AR: variants seen among roughly 807,000 people sequenced by gnomAD.
The protein encoded by AR is dihydrotestosterone receptor.
A neutral mutation model predicts 53.9 loss-of-function variants in AR; 8 were observed. That is an observed-to-expected ratio of 0.15 (90% CI 0.09 to 0.27). The LOEUF is 0.27. Ranked by LOEUF, AR falls within the 10% of genes least tolerant of loss-of-function variation. The pLI is 1.00. For synonymous variants in AR, 359 were observed against 316.4 expected (o/e 1.13, Z -1.43); for missense variants, 639 against 742.5 (o/e 0.86, Z 1.62).
intron 5 of AR, among the ~76,000 whole-genome samples, chrX:67,720,855 A>T (rs761961025): frequency 9.3e-6 from 1 of 107,747 alleles, no homozygotes; most frequent in Non-Finnish European, 1.9e-5. Context: ...CTTTCTGCAC[A>T]CGCTGCACAA....
At chrX:67,646,700 G>A (rs1185130679) in intron 2 of AR, among the ~76,000 whole-genome samples, 1 of 110,584 alleles carries the variant, frequency 9.0e-6, no homozygotes, top group South Asian at 3.9e-4. Context: ...TTTCCCTTTT[G>A]GACCTCAGTT....
At chrX:67,652,754 T>G (rs1000893371) in intron 2 of AR, among the ~76,000 whole-genome samples, 11 of 111,832 alleles carry the variant, frequency 9.8e-5, no homozygotes, top group Admixed American at 3.8e-4. Flanking sequence ...TCTCTGCCTT[T>G]GCCATTGTGT....
chrX:67,655,307 T>C (rs1926534477), intron 2 of AR, among the ~76,000 whole-genome samples: 2 of 111,094 alleles, frequency 1.8e-5, no homozygotes, highest in Non-Finnish European at 3.8e-5. Context: ...TCTTCATTTG[T>C]GTTGTTTATA....
rs533995969 is a variant in AR, at chrX:67,550,980, G to C, written c.1616+4218G>C. On this transcript the variant is annotated intron_variant, in intron 1 of 7. Transcript: ENST00000374690. Reference sequence around the variant, plus strand: ...CCCTTAAGACTAGATGACATGAGGGGATTGCAAAATGAATAGCTGGGTTTT... The same window carrying C: ...CCCTTAAGACTAGATGACATGAGGGCATTGCAAAATGAATAGCTGGGTTTT... 6.7e-5 allele frequency among the ~76,000 whole-genome samples: 7 copies of C among 104,263 alleles called. No individual in the cohort carries two copies. In the East Asian group the frequency reaches 1.7e-3, roughly 26 times the overall value. The allele number at this position is 104,263 out of a possible 115,157, so 90.5% of individuals were successfully genotyped here.
At chrX:67,555,477 CATGTTT>C (rs1017876213) in intron 1 of AR, among the ~76,000 whole-genome samples, 8 of 111,749 alleles carry the variant, frequency 7.2e-5, no homozygotes, top group African/African-American at 2.6e-4. Context: ...TTGGTGGGTA[CATGTTT>C]ATGATGTCTT....
At chrX:67,689,552 C>G (rs748083183) in intron 3 of AR, 1 of 956,485 alleles carries the variant, frequency 1.0e-6, no homozygotes, top group African/African-American at 2.0e-5. Flanking sequence ...GCTTTTTTTT[C>G]TAGCAGCTGT....
intron 1 of AR, among the ~76,000 whole-genome samples, chrX:67,597,733 G>GT (rs1923149688): frequency 8.9e-6 from 1 of 111,992 alleles, no homozygotes; most frequent in Non-Finnish European, 1.9e-5. Flanking sequence ...CCTACATGAA[G>GT]TTTTTTGCTA....
At chrX:67,679,219 AAAGTATT>A (rs2075918689) in intron 2 of AR, among the ~76,000 whole-genome samples, 1 of 111,428 alleles carries the variant, frequency 9.0e-6, no homozygotes, top group Non-Finnish European at 1.9e-5. Context: ...CTTAAGTATT[AAAGTATT>A]AAGTATTAAA....
intron 3 of AR, chrX:67,694,849 G>A (rs1315226617): frequency 4.6e-6 from 5 of 1,086,805 alleles, no homozygotes; most frequent in Non-Finnish European, 5.9e-6. Context: ...TTGACGTTGG[G>A]GTTGGGGGCT....
At chrX:67,648,470 A>T (rs1484380445) in intron 2 of AR, among the ~76,000 whole-genome samples, 2 of 111,813 alleles carry the variant, frequency 1.8e-5, no homozygotes, top group African/African-American at 3.3e-5. Flanking sequence ...AGTAGATCCC[A>T]GGAGGCCAGC....
intron 1 of AR, among the ~76,000 whole-genome samples, chrX:67,587,981 G>T (rs1207453332): frequency 1.8e-5 from 2 of 109,992 alleles, no homozygotes; most frequent in Admixed American, 2.0e-4. Flanking sequence ...CACTGCTCTT[G>T]CAAGGACTGA....
chrX:67,591,544 G>C (rs1922831295), intron 1 of AR, among the ~76,000 whole-genome samples: 1 of 111,733 alleles, frequency 8.9e-6, no homozygotes, highest in Non-Finnish European at 1.9e-5. Context: ...GGTGGGTAGA[G>C]TACGCCCCTT....
In AR at chrX:67,711,661, C is replaced by T. The variant is rs1399731529; in HGVS notation, c.2145C>T (p.His715=). 1.1e-5 allele frequency: 13 copies of T among 1,205,271 alleles called. No individual in the cohort carries two copies. The South Asian group carries it at 1.3e-4, about 12-fold the overall frequency. The change falls in exon 4 of 8, where the codon CAC becomes CAT. Residue 715 remains histidine, a synonymous_variant. Transcript: ENST00000374690. ...LNELGERQLV[H]VVKWAKALPG... is the part of the protein sequence containing the mutation. ...AACTGGGAGAGAGACAGCTTGTACA[C>T]GTGGTCAAGTGGGCCAAGGCCTTGC...
chrX:67,710,270 C>T (rs537427090), intron 3 of AR, among the ~76,000 whole-genome samples: 1 of 111,793 alleles, frequency 8.9e-6, no homozygotes, highest in South Asian at 3.8e-4. Flanking sequence ...CTTTGAATTA[C>T]AACATTCAGT....
At chrX:67,561,732 T>C (rs754866073) in intron 1 of AR, among the ~76,000 whole-genome samples, 25 of 110,983 alleles carry the variant, frequency 2.3e-4, no homozygotes, top group African/African-American at 8.2e-4. Context: ...CAATGTATTG[T>C]TCAGCCCCAG....
At chrX:67,562,688 G>C (rs1168392853) in intron 1 of AR, among the ~76,000 whole-genome samples, 1 of 110,801 alleles carries the variant, frequency 9.0e-6, no homozygotes, top group Middle Eastern at 4.2e-3. Flanking sequence ...CTTACTCCAA[G>C]GGCTTTCACT....
chrX:67,697,365 A>G (rs1057062772), intron 3 of AR, among the ~76,000 whole-genome samples: 2 of 111,519 alleles, frequency 1.8e-5, no homozygotes, highest in Non-Finnish European at 1.9e-5. Flanking sequence ...ATAGTAAAAA[A>G]CATCATTGAT....
intron 2 of AR, among the ~76,000 whole-genome samples, chrX:67,668,786 C>A (rs1927390467): frequency 9.0e-6 from 1 of 111,010 alleles, no homozygotes; most frequent in South Asian, 3.7e-4. Context: ...TCAATCTTCA[C>A]AAGTTGTCTG....
rs1390759192 is a variant in AR at position 67,544,452 on chromosome X, GC to G, written c.-688del. On this transcript the variant is annotated 5_prime_UTR_variant, in exon 1 of 8. Coordinates refer to ENST00000374690, the MANE Select transcript of AR (RefSeq NM_000044.6). ...CCCCTCACCACCCTTCTCCCCACCC[GC>G]CCCCCCGCCCCCGTCGGCCCAGCGC... 4 of 56,277 alleles carry G rather than the reference GC, an allele frequency of 7.1e-5. No individual in the cohort carries two copies. The highest frequency in any genetic ancestry group is 3.0e-4 in the African/African-American group (3 of 10,157). The allele number at this position is 56,277 out of a possible 1,213,427, so 4.6% of individuals were successfully genotyped here. A position where few individuals can be genotyped will look rare whatever the true frequency, so the allele number is the denominator to read the frequency against.
Sources: allele counts gnomAD v4.1 joint callset (sites outside exome capture counted in the v4.1 genomes callset), GRCh38; gene constraint gnomAD v4.1.1; transcripts MANE v1.5; gene names NCBI Gene and HGNC (gene_info 2026-07-23, HGNC 2026-07-21).